The following ALLC variants were observed in gnomAD, a reference collection of about 807,000 sequenced individuals.
ALLC encodes probable inactive allantoicase.
A neutral mutation model predicts 45.0 loss-of-function variants in ALLC; 40 were observed. The ratio of observed to expected loss-of-function variants is 0.89; its 90% confidence interval spans 0.69 to 1.16. ALLC has a LOEUF of 1.16. Among genes scored for constraint, ALLC ranks in the 50% most tolerant of loss-of-function variants. The pLI, the probability that ALLC is intolerant of heterozygous loss-of-function variation, is 0.00. For synonymous variants in ALLC, 176 were observed against 178.1 expected (o/e 0.99, Z 0.09); for missense variants, 488 against 493.1 (o/e 0.99, Z 0.10).
chr2:3,657,391 C>T (rs1666467952), upstream of ALLC, among the ~76,000 whole-genome samples: 1 of 152,202 alleles, frequency 6.6e-6, no homozygotes, highest in Non-Finnish European at 1.5e-5. Flanking sequence ...GGTGATGGAT[C>T]TCCCTGGGAC....
At chr2:3,652,313 T>C in the ALLC span, among the ~76,000 whole-genome samples, 2 of 152,248 alleles carry the variant, frequency 1.3e-5, no homozygotes, top group Admixed American at 6.5e-5. Flanking sequence ...CCGGTCTGTC[T>C]GGTACCTAGA....
chr2:3,651,423 GTGTGTGTGTGTGTGTGTGT>G, the ALLC span, among the ~76,000 whole-genome samples: 7 of 57,846 alleles, frequency 1.2e-4, no homozygotes, highest in Non-Finnish European at 1.6e-4. Flanking sequence ...GTGTGTGTGT[GTGTGTGTGTGTGTGTGTGT>G]TAGGAAGGGA....
intron 1 of ALLC, among the ~76,000 whole-genome samples, chr2:3,658,621 A>G (rs1666497514): frequency 6.6e-6 from 1 of 152,088 alleles, no homozygotes; most frequent in Non-Finnish European, 1.5e-5. Flanking sequence ...TAATCCCTGT[A>G]CTTTGGGAGG....
chr2:3,672,673 G>GGTCCTCTGGCTCTGGTTAGATCGGAA (rs1558537681), intron 2 of ALLC, among the ~76,000 whole-genome samples: 2 of 147,060 alleles, frequency 1.4e-5, no homozygotes, highest in Non-Finnish European at 3.0e-5. Flanking sequence ...TTAGATGGGA[G>GGTCCTCTGGCTCTGGTTAGATCGGAA]GTCCTCTGGC....
chr2:3,675,290 T>C (rs751321791), intron 3 of ALLC, among the ~76,000 whole-genome samples: 5 of 151,172 alleles, frequency 3.3e-5, no homozygotes, highest in Non-Finnish European at 7.4e-5. Flanking sequence ...CTCAGAAGGC[T>C]GAGCTGGGAG....
intron 1 of ALLC, among the ~76,000 whole-genome samples, chr2:3,662,145 A>C (rs1199271686): frequency 6.6e-6 from 1 of 152,098 alleles, no homozygotes; most frequent in African/African-American, 2.4e-5. Context: ...TCTGCTCCAC[A>C]GTTCTGTTTG....
chr2:3,661,013 CTG>C (rs1016923727), intron 1 of ALLC, among the ~76,000 whole-genome samples: 1 of 152,164 alleles, frequency 6.6e-6, no homozygotes, highest in Admixed American at 6.5e-5. Flanking sequence ...ATATCTAACA[CTG>C]TTTTTTTCAT....
intron 6 of ALLC, 149 bp from the exon 7 acceptor site, chr2:3,682,793 G>C: frequency 1.3e-6 from 1 of 748,542 alleles, no homozygotes; most frequent in Non-Finnish European, 2.1e-6. Flanking sequence ...CCAAGGTGCT[G>C]GGATTACAGG....
chr2:3,682,869 C>A (rs1421261888), intron 6 of ALLC, 73 bp from the exon 7 acceptor site: 2 of 1,503,012 alleles, frequency 1.3e-6, no homozygotes, highest in East Asian at 2.3e-5. Flanking sequence ...ACCTTAAGTG[C>A]CACAGAGGCA....
chr2:3,674,894 G>A (rs907286181), intron 3 of ALLC, among the ~76,000 whole-genome samples: 3 of 152,194 alleles, frequency 2.0e-5, no homozygotes, highest in Admixed American at 6.5e-5. Flanking sequence ...CCACAGGTCC[G>A]GTCTTTGAAA....
chr2:3,696,279 T>G lies in ALLC; in HGVS notation c.672T>G (p.Val224=), dbSNP rs751211998. 4 of 1,612,974 alleles carry G rather than the reference T, an allele frequency of 2.5e-6. No individual in the cohort carries two copies. In the South Asian group the frequency reaches 4.4e-5, roughly 18 times the overall value. The change falls in exon 9 of 12, where the codon GTT becomes GTG. Residue 224 remains valine (V), a synonymous_variant. Coordinates refer to ENST00000252505, the MANE Select transcript of ALLC (RefSeq NM_018436.4). ...CAACAATGTTATTTTCTGTAGGAGTTGGCGGGGCAAAGTCTATGGCGGATG... is the reference window on the plus strand; with the variant it reads ...CAACAATGTTATTTTCTGTAGGAGTGGGCGGGGCAAAGTCTATGGCGGATG... ...KFGHPNNIIG[V]GGAKSMADGW...
intron 6 of ALLC, among the ~76,000 whole-genome samples, chr2:3,682,022 A>T (rs1331088980): frequency 7.9e-5 from 12 of 152,210 alleles, no homozygotes. Flanking sequence ...TACCAACTTG[A>T]TGTAACTTGA....
rs767864168 is a variant in ALLC at position 3,681,726 on chromosome 2, C to T, written c.378+13C>T. ...AGCCATTGCTGAGGTACATCTCCCCCAAATGAATTGGGTCTTGTCACCAAT... is the reference window on the plus strand; with the variant it reads ...AGCCATTGCTGAGGTACATCTCCCCTAAATGAATTGGGTCTTGTCACCAAT... On this transcript the variant is annotated intron_variant, in intron 6 of 11. Transcript: ENST00000252505. 8 of 1,598,166 alleles carry T rather than the reference C, an allele frequency of 5.0e-6. No homozygotes were observed. The East Asian group carries it at 1.8e-4, about 36-fold the overall frequency.
At chr2:3,671,047 C>T (rs1666854878) in intron 1 of ALLC, 49 bp from the exon 2 acceptor site, 9 of 1,142,014 alleles carry the variant, frequency 7.9e-6, no homozygotes, top group Non-Finnish European at 1.2e-5. Flanking sequence ...CGGGGCCTCA[C>T]TCACTCCCGC....
chr2:3,667,495 C>T (rs751746000), intron 1 of ALLC, among the ~76,000 whole-genome samples: 2 of 152,194 alleles, frequency 1.3e-5, no homozygotes, highest in Non-Finnish European at 2.9e-5. Context: ...GGATACATCG[C>T]GGTTGGCCAT....
At position 3,681,733 on chromosome 2, in the gene ALLC, A is replaced by G. The variant is rs776103848; in HGVS notation, c.378+20A>G. 6.3e-7 allele frequency: 1 copy of G among 1,585,744 alleles called. No homozygotes were observed. The highest frequency in any genetic ancestry group is 1.1e-5 in the South Asian group (1 of 87,616). The stretch of plus-strand genomic sequence containing the variant: ...GCTGAGGTACATCTCCCCCAAATGA[A>G]TTGGGTCTTGTCACCAATTATTAGG... On this transcript the variant is annotated intron_variant, in intron 6 of 11. Transcript: ENST00000252505.
chr2:3,697,247 A>C (rs781596300), intron 9 of ALLC, 101 bp from the exon 10 acceptor site: 14 of 836,950 alleles, frequency 1.7e-5, no homozygotes, highest in Non-Finnish European at 2.6e-5. Flanking sequence ...ATAGTAAGAA[A>C]TAAAAGAAAC....
chr2:3,652,580 ATTTTTTTTTTTTTT>A, the ALLC span, among the ~76,000 whole-genome samples: 19 of 93,358 alleles, frequency 2.0e-4, no homozygotes, highest in South Asian at 7.5e-4. Flanking sequence ...AAACTTTGTG[ATTTTTTTTTTTTTT>A]TTTTTTTTTT....
chr2:3,678,356 C>G (rs1572516548), intron 3 of ALLC, 112 bp from the exon 4 acceptor site: 10 of 858,106 alleles, frequency 1.2e-5, no homozygotes, highest in Non-Finnish European at 1.7e-5. Context: ...AGAGGCTCCC[C>G]TAGACCCCGG....
Sources: allele counts gnomAD v4.1 joint callset (sites outside exome capture counted in the v4.1 genomes callset), GRCh38; gene constraint gnomAD v4.1.1; transcripts MANE v1.5; gene names NCBI Gene and HGNC (gene_info 2026-07-23, HGNC 2026-07-21).